Variants in STRN3 observed in about 807,000 individuals in gnomAD.
The protein encoded by STRN3 is striatin 3, also known as striatin-3.
Under a neutral mutation model 95.6 loss-of-function variants are expected in STRN3, and 29 were observed. The observed-to-expected ratio is 0.30, with a 90% CI of 0.23 to 0.41. STRN3 has a LOEUF of 0.41. Among genes scored for constraint, STRN3 ranks in the 10% least tolerant of loss-of-function variants. The probability of loss-of-function intolerance (pLI) is 1.00; values close to 1 mark genes in which losing one functional copy is unlikely to be tolerated. For missense variants in STRN3, 890 were observed against 972.1 expected (o/e 0.92, Z 1.12); for synonymous variants, 331 against 357.6 (o/e 0.93, Z 0.84).
At chr14:30,905,298 AAACT>A in intron 15 of STRN3, 116 bp downstream of exon 15, 1 of 1,052,900 alleles carries the variant, frequency 9.5e-7, no homozygotes, top group Non-Finnish European at 1.3e-6. Context: ...TAACATTATG[AAACT>A]AATTATTTTG....
chr14:30,896,244 A>C (rs1896145174), intron 16 of STRN3, among the ~76,000 whole-genome samples: 1 of 152,256 alleles, frequency 6.6e-6, no homozygotes, highest in South Asian at 2.1e-4. Flanking sequence ...ACTCCTAAAA[A>C]AGACATCTGT....
At chr14:30,980,783 T>C in intron 1 of STRN3, among the ~76,000 whole-genome samples, 1 of 152,150 alleles carries the variant, frequency 6.6e-6, no homozygotes, top group Non-Finnish European at 1.5e-5. Context: ...AGAGTTTTCT[T>C]TAAAAAAATT....
At chr14:31,010,261 A>G (rs179716) in intron 1 of STRN3, among the ~76,000 whole-genome samples, 121,137 of 151,750 alleles carry the variant, frequency 0.8, 48,926 homozygotes, top group Non-Finnish European at 0.87. Flanking sequence ...TTAAGTTTTA[A>G]GGTACATGTG....
intron 1 of STRN3, among the ~76,000 whole-genome samples, chr14:30,984,050 A>G (rs1474261024): frequency 6.6e-6 from 1 of 151,080 alleles, no homozygotes; most frequent in Non-Finnish European, 1.5e-5. Flanking sequence ...AACAAAAAGG[A>G]TGTCTGATTT....
rs571251372 is a variant in STRN3 at position 31,001,632 on chromosome 14, C to T, written c.282+24272G>A. Among the ~76,000 whole-genome samples, 5 of 152,172 alleles carry T rather than the reference C, an allele frequency of 3.3e-5. No homozygotes were observed. The East Asian group carries it at 9.6e-4, about 29-fold the overall frequency. ...CTAAATTTATCATAGTCAAGTAAAA[C>T]TCGGTCGTACCAAAAGAATTGGAAG... is the stretch of plus-strand genomic sequence containing the variant. On this transcript the variant is annotated intron_variant, in intron 1 of 17. Coordinates refer to ENST00000357479, the MANE Select transcript of STRN3 (RefSeq NM_001083893.2).
intron 1 of STRN3, among the ~76,000 whole-genome samples, chr14:30,973,518 T>C (rs560794576): frequency 6.6e-6 from 1 of 152,270 alleles, no homozygotes; most frequent in Non-Finnish European, 1.5e-5. Context: ...CTGAATCTGA[T>C]AGCTTCACTG....
chr14:30,900,894 A>T (rs530544529), intron 16 of STRN3, among the ~76,000 whole-genome samples: 83 of 152,278 alleles, frequency 5.5e-4, no homozygotes, highest in Admixed American at 3.9e-4. Flanking sequence ...TGCTTATTTG[A>T]TATTGAGTAA....
intron 1 of STRN3, among the ~76,000 whole-genome samples, chr14:30,989,840 G>T (rs535401270): frequency 6.6e-6 from 1 of 151,940 alleles, no homozygotes; most frequent in South Asian, 2.1e-4. Context: ...TGTGACCCTG[G>T]GCAAATTAAT....
At position 30,902,735 on chromosome 14, in the gene STRN3, C is replaced by CTTTAA. The variant is rs1594411706; in HGVS notation, c.2030-93_2030-92insTTAAA. On this transcript the variant is annotated intron_variant, in intron 15 of 17. Transcript: ENST00000357479. ...TTTAATCGTGCTAAAATATAAAAATCATTAAAAACTAAACCTTTTGCATAA... is the reference window on the plus strand; with the variant it reads ...TTTAATCGTGCTAAAATATAAAAATCTTTAAATTAAAAACTAAACCTTTTGCATAA... 2.0e-5 allele frequency: 16 copies of CTTTAA among 818,548 alleles called. No individual in the cohort carries two copies. In the East Asian group the frequency reaches 4.4e-4, roughly 23 times the overall value. The allele number at this position is 818,548 out of a possible 1,614,324, so 50.7% of individuals were successfully genotyped here.
rs972245641 is a variant in STRN3, at chr14:30,955,524, C to T, written c.460+96G>A. On this transcript the variant is annotated intron_variant, in intron 3 of 17. Coordinates refer to ENST00000357479, the MANE Select transcript of STRN3 (RefSeq NM_001083893.2). ...CTAGACAGTTTACAATAGTCATTCT[C>T]TAATATTATCAAACCAAAATGCGGG... is the stretch of plus-strand genomic sequence containing the variant. 8 of 1,005,350 alleles carry T rather than the reference C, an allele frequency of 8.0e-6. No individual in the cohort carries two copies. In the South Asian group the frequency reaches 1.3e-4, roughly 16 times the overall value. The allele number at this position is 1,005,350 out of a possible 1,614,324, so 62.3% of individuals were successfully genotyped here.
At chr14:31,024,609 A>G (rs567731246) in intron 1 of STRN3, among the ~76,000 whole-genome samples, 17 of 152,274 alleles carry the variant, frequency 1.1e-4, no homozygotes, top group Admixed American at 2.6e-4. Flanking sequence ...AACTTCACCC[A>G]CTTTGTGGAG....
chr14:30,994,320 G>A (rs1156966882), intron 1 of STRN3, among the ~76,000 whole-genome samples: 1 of 152,188 alleles, frequency 6.6e-6, no homozygotes, highest in African/African-American at 2.4e-5. Context: ...GATATCTTCA[G>A]GTGGTCTAAC....
At chr14:30,900,370 AAAAAAC>A (rs1896274087) in intron 16 of STRN3, among the ~76,000 whole-genome samples, 1 of 149,716 alleles carries the variant, frequency 6.7e-6, no homozygotes, top group African/African-American at 2.4e-5. Flanking sequence ...AAAAAAAAAA[AAAAAAC>A]CACACCAAAA....
At chr14:30,980,391 T>C (rs1196874347) in intron 1 of STRN3, among the ~76,000 whole-genome samples, 1 of 152,106 alleles carries the variant, frequency 6.6e-6, no homozygotes, top group Non-Finnish European at 1.5e-5. Context: ...TTCTGCAATG[T>C]TTCTTTGTTT....
intron 1 of STRN3, among the ~76,000 whole-genome samples, chr14:31,000,842 G>GA (rs35776301): frequency 0.4 from 58,723 of 146,826 alleles, 12,139 homozygotes; most frequent in Non-Finnish European, 0.47. Flanking sequence ...AGCCGATGAA[G>GA]AAAAAAAAAA....
At chr14:30,898,879 G>T (rs1896229902) in intron 16 of STRN3, among the ~76,000 whole-genome samples, 1 of 152,188 alleles carries the variant, frequency 6.6e-6, no homozygotes, top group African/African-American at 2.4e-5. Context: ...TAAATGGAGA[G>T]AAAATAAAGA....
chr14:30,992,319 C>T (rs1406699557), intron 1 of STRN3, among the ~76,000 whole-genome samples: 1 of 151,442 alleles, frequency 6.6e-6, no homozygotes, highest in East Asian at 1.9e-4. Flanking sequence ...ACCTGAGAAT[C>T]GCTTGAATCC....
At chr14:30,999,815 C>T (rs1414393681) in intron 1 of STRN3, among the ~76,000 whole-genome samples, 18 of 152,174 alleles carry the variant, frequency 1.2e-4, no homozygotes, top group East Asian at 1.9e-4. Context: ...AGAGGCTCAA[C>T]GAATTACAAG....
chr14:30,995,397 C>G (rs1280145948), intron 1 of STRN3, among the ~76,000 whole-genome samples: 4 of 152,100 alleles, frequency 2.6e-5, no homozygotes, highest in Non-Finnish European at 5.9e-5. Context: ...AGTTTAGAGA[C>G]TTACATTCTA....
Sources: gnomAD v4.1 joint callset for allele counts (sites outside exome capture counted in the v4.1 genomes callset) on GRCh38, gnomAD v4.1.1 for gene constraint, MANE v1.5 for transcripts, NCBI Gene and HGNC (gene_info 2026-07-23, HGNC 2026-07-21) for gene names.